The following GGA3 variants were observed in gnomAD, a reference collection of about 807,000 sequenced individuals.
The protein encoded by GGA3 is golgi associated, gamma adaptin ear containing, ARF binding protein 3.
Under a neutral mutation model 77.5 loss-of-function variants are expected in GGA3, and 57 were observed. The ratio of observed to expected loss-of-function variants is 0.74; its 90% CI spans 0.59 to 0.92. The LOEUF (loss-of-function observed/expected upper bound fraction) is 0.92. Among genes scored for constraint, GGA3 ranks in the 40% least tolerant of loss-of-function variants. The pLI, the probability that GGA3 is intolerant of heterozygous loss-of-function variation, is 0.00. For synonymous variants in GGA3, 416 were observed against 383.7 expected (o/e 1.08, Z -0.98); for missense variants, 970 against 914.9 (o/e 1.06, Z -0.78).
Position 75,241,624 on chromosome 17 carries a change from TATC to T in GGA3, c.817_819del (p.Asp273del), listed in dbSNP as rs753414268. Reference sequence around the variant, plus strand: ...TCGCTCTTTCACTCACCCAAACTGTTATCATTGTCCTCAGTCTCACTGGCGAGT... The same window carrying T: ...TCGCTCTTTCACTCACCCAAACTGTTATTGTCCTCAGTCTCACTGGCGAGT... On this transcript the variant is annotated inframe_deletion, in exon 9 of 17. Transcript: ENST00000537686. The T allele has an allele frequency of 1.9e-6, 3 of 1,614,036 alleles. No homozygotes were observed. Among genetic ancestry groups the T allele is most frequent in the African/African-American group, 1.3e-5 (1 of 75,026 alleles).
At chr17:75,261,624 G>C (rs1343478641), upstream of GGA3, 4 of 1,519,782 alleles carry the variant, frequency 2.6e-6, no homozygotes, top group Non-Finnish European at 3.5e-6. Flanking sequence ...CAAAACTCGC[G>C]AGAGTCTGCA....
At chr17:75,249,133 C>T (rs772857473) in intron 1 of GGA3, 1 of 281,380 alleles carries the variant, frequency 3.6e-6, no homozygotes, top group Non-Finnish European at 5.3e-6. Context: ...GCAACCTCCA[C>T]CTCCCAGGTT....
chr17:75,261,178 G>T (rs1018337478), intron 1 of GGA3, among the ~76,000 whole-genome samples: 1 of 152,256 alleles, frequency 6.6e-6, no homozygotes, highest in Non-Finnish European at 1.5e-5. Context: ...GTCAGGGATT[G>T]GGGCGCTGGG....
In GGA3 at chr17:75,240,422, GAGA is replaced by G. The variant is rs762449453; in HGVS notation, c.1193-13_1193-11del. The G allele has an allele frequency of 1.2e-4, 195 of 1,576,890 alleles. No individual in the cohort carries two copies. The highest frequency in any genetic ancestry group is 1.3e-4 in the Non-Finnish European group (148 of 1,156,570). The stretch of plus-strand genomic sequence containing the variant: ...GCTGGGTCGGCGAGGCCTGACAATA[GAGA>G]AGAAAACAGGATGAGAAGAGGCTCT... On this transcript the variant is annotated splice_polypyrimidine_tract_variant and intron_variant, in intron 11 of 16. Coordinates refer to ENST00000537686, the MANE Select transcript of GGA3 (RefSeq NM_138619.4).
intron 4 of GGA3, 111 bp from the exon 5 acceptor site, chr17:75,243,681 A>AGG: frequency 9.5e-7 from 1 of 1,057,034 alleles, no homozygotes; most frequent in South Asian, 1.5e-5. Flanking sequence ...GGTCCTACTC[A>AGG]AAATCTGCAG....
intron 13 of GGA3, 30 bp downstream of exon 13, chr17:75,239,759 A>G (rs1349007118): frequency 2.5e-6 from 4 of 1,610,038 alleles, no homozygotes; most frequent in Non-Finnish European, 3.4e-6. Context: ...CCCAACCCTC[A>G]GCAACCCCAC....
Position 75,239,386 on chromosome 17 carries a change from G to A in GGA3, c.1769C>T (p.Ser590Leu), listed in dbSNP as rs146451191. 2,461 of 1,549,190 alleles carry A rather than the reference G, an allele frequency of 1.6e-3. 7 individuals carry two copies. Among genetic ancestry groups the A allele is most frequent in the Non-Finnish European group, 1.9e-3 (2,214 of 1,154,252 alleles). Residue 590 changes from serine to leucine, a missense_variant, in exon 14 of 17, where the codon TCG (serine) becomes TTG (leucine). By Grantham distance (145) the Ser-to-Leu change is moderately radical (BLOSUM62 -2). Coordinates refer to ENST00000537686, the MANE Select transcript of GGA3 (RefSeq NM_138619.4). ...CCTCCAACACCTACTAGGCTTGATCGATTCCAGGGGCACGTGGATGCTGGC... is the reference window on the plus strand; with the variant it reads ...CCTCCAACACCTACTAGGCTTGATCAATTCCAGGGGCACGTGGATGCTGGC... The part of the protein sequence containing the change: ...SLASIHVPLE[S>L]IKPSSALPVT...
chr17:75,237,857 G>C lies in GGA3; in HGVS notation c.*422C>G. The C allele has an allele frequency of 1.4e-6, 2 of 1,405,954 alleles. No individual in the cohort carries two copies. Among genetic ancestry groups the C allele is most frequent in the Non-Finnish European group, 1.8e-6 (2 of 1,085,306 alleles). The allele number at this position is 1,405,954 out of a possible 1,614,324, so 87.1% of individuals were successfully genotyped here. A position where few individuals can be genotyped will look rare whatever the true frequency, so the allele number is the denominator to read the frequency against. ...CTGCAGCCCCTTGGGCCGTGCATCT[G>C]TCAGGTGTGAGGATGTGGCTCTTGT... is the stretch of plus-strand genomic sequence containing the variant. On this transcript the variant is annotated 3_prime_UTR_variant, in exon 17 of 17. Coordinates refer to ENST00000537686, the MANE Select transcript of GGA3 (RefSeq NM_138619.4).
Position 75,243,583 on chromosome 17 carries a change from A to T in GGA3, c.301-13T>A. The T allele has an allele frequency of 1.2e-6, 2 of 1,613,468 alleles. No individual in the cohort carries two copies. On this transcript the variant is annotated splice_polypyrimidine_tract_variant and intron_variant, in intron 4 of 16. Transcript: ENST00000537686. The stretch of plus-strand genomic sequence containing the variant: ...TGTCCCCCAGGTACTACATGGCAAA[A>T]GAAAATGAGGACCTAGTAAGTGCAG...
intron 1 of GGA3, chr17:75,248,770 G>A (rs1275836558): frequency 4.8e-6 from 4 of 832,968 alleles, no homozygotes; most frequent in Non-Finnish European, 5.7e-6. Flanking sequence ...TGGGCAACAA[G>A]TGAAAACTCT....
At chr17:75,242,285 C>T (rs774045742) in intron 8 of GGA3, 51 bp downstream of exon 8, 1 of 1,606,580 alleles carries the variant, frequency 6.2e-7, no homozygotes. Flanking sequence ...GGCTGAGCTC[C>T]TGAAGGGCAG....
rs2076507619 is a variant in GGA3, at chr17:75,240,478, C to A, written c.1193-66G>T. ...GCTAGGCAGCCCTAGCCCCGCCTTG[C>A]CTGAGGAGGGGTCAGGTGACAAGTG... is the stretch of plus-strand genomic sequence containing the variant. On this transcript the variant is annotated intron_variant, in intron 11 of 16. Coordinates refer to ENST00000537686, the MANE Select transcript of GGA3 (RefSeq NM_138619.4). 25 of 1,051,232 alleles carry A rather than the reference C, an allele frequency of 2.4e-5. No homozygotes were observed. In the South Asian group the frequency reaches 3.5e-4, roughly 15 times the overall value. 65.1% of individuals were successfully genotyped at this position (1,051,232 alleles called of 1,614,324 possible). A position where few individuals can be genotyped will look rare whatever the true frequency, so the allele number is the denominator to read the frequency against.
At position 75,237,110 on chromosome 17, in the gene GGA3, G is replaced by A. The variant is rs2076345687; in HGVS notation, c.*1169C>T. 6.8e-6 allele frequency: 2 copies of A among 294,848 alleles called. No individual in the cohort carries two copies. The highest frequency in any genetic ancestry group is 1.3e-5 in the Non-Finnish European group (2 of 155,918). The allele number at this position is 294,848 out of a possible 1,614,324, so 18.3% of individuals were successfully genotyped here. A position where few individuals can be genotyped will look rare whatever the true frequency, so the allele number is the denominator to read the frequency against. On this transcript the variant is annotated 3_prime_UTR_variant, in exon 17 of 17. Coordinates refer to ENST00000537686, the MANE Select transcript of GGA3 (RefSeq NM_138619.4). ...TTTGTGACGGAGGCTTGGAGTACAT[G>A]TCCCAGGATCACATCCAGCAGCTAG...
At chr17:75,242,988 G>A in intron 6 of GGA3, 75 bp downstream of exon 6, 1 of 1,484,834 alleles carries the variant, frequency 6.7e-7, no homozygotes, top group South Asian at 1.1e-5. Context: ...GCTCCCCGCA[G>A]CACAGTGCAA....
At chr17:75,252,239 T>A (rs896253455) in intron 1 of GGA3, among the ~76,000 whole-genome samples, 3 of 151,666 alleles carry the variant, frequency 2.0e-5, no homozygotes, top group Non-Finnish European at 4.4e-5. Context: ...GTGCTTGTTC[T>A]TTTTTTAGAG....
In GGA3 at chr17:75,240,082, G is replaced by A; in HGVS notation, c.1290C>T (p.Phe430=). 1 of 1,434,742 alleles carries A rather than the reference G, an allele frequency of 7.0e-7. No individual in the cohort carries two copies. Among genetic ancestry groups the A allele is most frequent in the African/African-American group, 1.4e-5 (1 of 69,708 alleles). The allele number at this position is 1,434,742 out of a possible 1,614,324, so 88.9% of individuals were successfully genotyped here. The change falls in exon 13 of 17, where the codon TTC becomes TTT. Residue 430 remains phenylalanine, a synonymous_variant. Coordinates refer to ENST00000537686, the MANE Select transcript of GGA3 (RefSeq NM_138619.4). ...LQREQSDLDF[F]SPRPGTAACG... is the part of the protein sequence containing the mutation. The stretch of plus-strand genomic sequence containing the variant: ...AGGCAGCGGTCCCCGGCCTGGGGCT[G>A]AAGAAGTCCAGGTCGGACTGTTCCC...
At position 75,238,963 on chromosome 17, in the gene GGA3, G is replaced by T. The variant is rs768807486; in HGVS notation, c.1901C>A (p.Thr634Lys). The T allele has an allele frequency of 2.5e-6, 4 of 1,614,100 alleles. No individual in the cohort carries two copies. The South Asian group carries it at 4.4e-5, about 18-fold the overall frequency. Residue 634 changes from threonine (T) to lysine (K), a missense_variant, in exon 15 of 17, where the codon ACG becomes AAG. Transcript: ENST00000537686. Reference sequence around the variant, plus strand: ...GATGCTCTTGACAGGTAAGGGAGCCGTGTTCAGCATGGACACCACCACCAC... The same window carrying T: ...GATGCTCTTGACAGGTAAGGGAGCCTTGTTCAGCATGGACACCACCACCAC... ...VLVVVVSMLN[T>K]APLPVKSIVL...
At chr17:75,245,651 A>G (rs924729774) in intron 3 of GGA3, among the ~76,000 whole-genome samples, 1 of 151,992 alleles carries the variant, frequency 6.6e-6, no homozygotes, top group Non-Finnish European at 1.5e-5. Context: ...CAGCCTCCCG[A>G]GGAGCTGGGA....
intron 5 of GGA3, 108 bp downstream of exon 5, chr17:75,243,339 T>C: frequency 1.4e-6 from 2 of 1,414,704 alleles, no homozygotes; most frequent in Non-Finnish European, 2.0e-6. Context: ...TGGGGACAAA[T>C]GCTGTTCTCT....
Sources: gnomAD v4.1 joint callset for allele counts (sites outside exome capture counted in the v4.1 genomes callset) on GRCh38, gnomAD v4.1.1 for gene constraint, MANE v1.5 for transcripts, NCBI Gene and HGNC (gene_info 2026-07-23, HGNC 2026-07-21) for gene names.